The following TRMT11 variants were observed in gnomAD, a reference collection of about 807,000 sequenced individuals.
TRMT11 encodes the protein tRNA (guanine(10)-N(2))-methyltransferase TRMT11.
TRMT11 carries 53 observed loss-of-function variants against 62.8 expected under a neutral mutation model. The observed-to-expected ratio is 0.84, with a 90% CI of 0.68 to 1.06. The LOEUF is 1.06. TRMT11 is among the 50% of genes least tolerant of loss of function. TRMT11 has a pLI of 0.00. For missense variants in TRMT11, 556 were observed against 553.4 expected (o/e 1.00, Z -0.05); for synonymous variants, 188 against 190.3 (o/e 0.99, Z 0.10).
chr6:126,237,239 C>T, the TRMT11 span, among the ~76,000 whole-genome samples: 2 of 152,136 alleles, frequency 1.3e-5, no homozygotes, highest in East Asian at 1.9e-4. Flanking sequence ...CTCCCTTAAG[C>T]TCTCCTCTGG....
chr6:126,122,263 C>T (rs1777658711), intron 21 of TRMT11, among the ~76,000 whole-genome samples: 1 of 152,032 alleles, frequency 6.6e-6, no homozygotes. Flanking sequence ...AGCATGAGAA[C>T]AGACTAATAC....
intron 17 of TRMT11, among the ~76,000 whole-genome samples, chr6:126,084,197 A>T (rs1405802305): frequency 6.6e-6 from 1 of 152,162 alleles, no homozygotes; most frequent in Non-Finnish European, 1.5e-5. Context: ...GTACCAATCT[A>T]CATTCCCATC....
At chr6:126,198,449 C>T (rs954995055) in intron 1 of TRMT11, among the ~76,000 whole-genome samples, 4 of 152,132 alleles carry the variant, frequency 2.6e-5, no homozygotes, top group East Asian at 1.9e-4. Context: ...TCTCTATTTC[C>T]ATATCTTATT....
chr6:126,204,185 T>C (rs1778768591), downstream of TRMT11, among the ~76,000 whole-genome samples: 1 of 152,230 alleles, frequency 6.6e-6, no homozygotes, highest in Non-Finnish European at 1.5e-5. Context: ...TTACAGATAT[T>C]ATAAGCATCT....
the TRMT11 span, among the ~76,000 whole-genome samples, chr6:126,243,240 A>G: frequency 1.3e-5 from 2 of 152,254 alleles, no homozygotes; most frequent in African/African-American, 4.8e-5. Flanking sequence ...ATGGGATACC[A>G]TCTCACACCA....
At chr6:126,079,000 G>A (rs1583868027) in intron 17 of TRMT11, among the ~76,000 whole-genome samples, 1 of 152,156 alleles carries the variant, frequency 6.6e-6, no homozygotes, top group African/African-American at 2.4e-5. Flanking sequence ...TCTTTTAGAT[G>A]AGTAAACTAT....
At chr6:126,157,307 A>C (rs919547246) in intron 21 of TRMT11, among the ~76,000 whole-genome samples, 4 of 152,216 alleles carry the variant, frequency 2.6e-5, no homozygotes, top group Non-Finnish European at 5.9e-5. Flanking sequence ...TCTGGGAAGC[A>C]TGTAATTATT....
the TRMT11 span, among the ~76,000 whole-genome samples, chr6:126,227,384 C>A: frequency 1.3e-5 from 2 of 152,112 alleles, no homozygotes; most frequent in Non-Finnish European, 2.9e-5. Context: ...GTGTCAGAGT[C>A]CGGTTTAAGT....
At position 126,077,854 on chromosome 6, in the gene TRMT11, ACT is replaced by A. The variant is rs1777064036; in HGVS notation, c.*1437+24668_*1437+24669del. Among the ~76,000 whole-genome samples the A allele has an allele frequency of 1.3e-5, 2 of 152,146 alleles. 1 individual carries two copies. The highest frequency in any genetic ancestry group is 4.1e-4 in the South Asian group (2 of 4,828). On this transcript the variant is annotated intron_variant and NMD_transcript_variant, in intron 17 of 22. Transcript: ENST00000648977. ...ACTAAGTTGTGTGGCACAGACTAGA[ACT>A]CTCAGAAAAGAGGCTGCAATCATAA...
Position 125,986,622 on chromosome 6 carries a change from G to A in TRMT11, c.72G>A (p.Pro24=). 2 of 1,580,794 alleles carry A rather than the reference G, an allele frequency of 1.3e-6. No homozygotes were observed. Among genetic ancestry groups the A allele is most frequent in the East Asian group, 2.3e-5 (1 of 43,544 alleles). ...AGGAGCATCTGGAGTTCCGCCTGCC[G>A]GTGAGTCCGTAGCGCCCTCCGGAAC... ...MAQEHLEFRL[P]EIKSLLLLFG... The change falls in exon 1 of 13, where the codon CCG becomes CCA. Residue 24 remains proline, a splice_region_variant and synonymous_variant. Coordinates refer to ENST00000334379, the MANE Select transcript of TRMT11 (RefSeq NM_001031712.3).
downstream of TRMT11, among the ~76,000 whole-genome samples, chr6:126,202,644 G>A (rs1778747619): frequency 6.6e-6 from 1 of 152,002 alleles, no homozygotes; most frequent in Non-Finnish European, 1.5e-5. Flanking sequence ...TTAATTCAAT[G>A]TTAACAGCTA....
the TRMT11 span, among the ~76,000 whole-genome samples, chr6:126,256,780 T>A: frequency 6.6e-6 from 1 of 152,186 alleles, no homozygotes; most frequent in Non-Finnish European, 1.5e-5. Flanking sequence ...CACTGTGCTC[T>A]TGGCTTTACT....
chr6:126,181,664 A>G (rs1480406790), intron 1 of TRMT11, among the ~76,000 whole-genome samples: 3 of 152,164 alleles, frequency 2.0e-5, no homozygotes, highest in Admixed American at 6.6e-5. Flanking sequence ...TGTGATTATG[A>G]TAGTTAATAG....
At chr6:126,083,136 T>C (rs186471080) in intron 17 of TRMT11, among the ~76,000 whole-genome samples, 1 of 152,300 alleles carries the variant, frequency 6.6e-6, no homozygotes, top group East Asian at 1.9e-4. Context: ...CCATGATTGT[T>C]TGCTGGAAGC....
the TRMT11 span, among the ~76,000 whole-genome samples, chr6:126,231,236 C>T: frequency 2.6e-5 from 4 of 151,718 alleles, no homozygotes; most frequent in Admixed American, 1.3e-4. Context: ...TTAATAGGAC[C>T]CCCCAAAACA....
At chr6:126,018,780 T>G (rs1461906809) in intron 11 of TRMT11, among the ~76,000 whole-genome samples, 1 of 152,224 alleles carries the variant, frequency 6.6e-6, no homozygotes, top group Non-Finnish European at 1.5e-5. Flanking sequence ...GTCATAATGG[T>G]CCAGGCAAAA....
At chr6:126,253,640 T>G in the TRMT11 span, among the ~76,000 whole-genome samples, 4 of 152,156 alleles carry the variant, frequency 2.6e-5, no homozygotes, top group Non-Finnish European at 5.9e-5. Flanking sequence ...ATTTTTCAGC[T>G]CCATTATACC....
intron 17 of TRMT11, among the ~76,000 whole-genome samples, chr6:126,072,772 C>T: frequency 6.6e-6 from 1 of 152,128 alleles, no homozygotes; most frequent in East Asian, 1.9e-4. Flanking sequence ...ATTGTATCCT[C>T]ACATGGCAGA....
intron 12 of TRMT11, among the ~76,000 whole-genome samples, chr6:126,021,966 C>T (rs2127992471): frequency 6.6e-6 from 1 of 151,926 alleles, no homozygotes; most frequent in Non-Finnish European, 1.5e-5. Context: ...CTTAAATTCA[C>T]TGGAAACTTG....
Sources: allele counts gnomAD v4.1 joint callset (sites outside exome capture counted in the v4.1 genomes callset), GRCh38; gene constraint gnomAD v4.1.1; transcripts MANE v1.5; gene names NCBI Gene and HGNC (gene_info 2026-07-23, HGNC 2026-07-21).